RTKN2: variants seen among roughly 807,000 people sequenced by gnomAD.
The protein encoded by RTKN2 is rhotekin 2, also known as rhotekin-2.
Under a neutral mutation model 71.5 loss-of-function variants are expected in RTKN2, and 69 were observed. That is an observed-to-expected ratio of 0.96 (90% CI 0.79 to 1.18). The LOEUF is 1.18. Ranked by LOEUF, RTKN2 falls within the 50% of genes most tolerant of loss-of-function variation. RTKN2 has a pLI of 0.00. For synonymous variants in RTKN2, 236 were observed against 236.5 expected (o/e 1.00, Z 0.02); for missense variants, 724 against 719.7 (o/e 1.01, Z -0.07).
chr10:62,235,049 A>G (rs1402090582), intron 6 of RTKN2, among the ~76,000 whole-genome samples: 1 of 152,100 alleles, frequency 6.6e-6, no homozygotes, highest in Non-Finnish European at 1.5e-5. Context: ...GTAAAAAAAG[A>G]CCACAAAGAT....
chr10:62,258,458 A>C (rs1422677955), intron 2 of RTKN2, among the ~76,000 whole-genome samples: 1 of 152,168 alleles, frequency 6.6e-6, no homozygotes, highest in African/African-American at 2.4e-5. Context: ...TGATTTCCTC[A>C]TTTCTCTAAT....
At chr10:62,211,195 A>C (rs1841651996) in intron 9 of RTKN2, among the ~76,000 whole-genome samples, 1 of 152,190 alleles carries the variant, frequency 6.6e-6, no homozygotes, top group South Asian at 2.1e-4. Flanking sequence ...AAATTCAGTT[A>C]AGTACCTGTT....
intron 1 of RTKN2, among the ~76,000 whole-genome samples, chr10:62,263,301 G>T (rs962509794): frequency 9.9e-5 from 15 of 152,130 alleles, no homozygotes; most frequent in African/African-American, 3.6e-4. Flanking sequence ...AGACTAATAT[G>T]TCTATAAGCC....
Position 62,194,834 on chromosome 10 carries a change from T to G in RTKN2, c.*3074A>C. ...ATAGTAGCAGGTAAAATGCATTTAG[T>G]AAGATCCCAAAGGGTAAAGATAAGG... On this transcript the variant is annotated 3_prime_UTR_variant, in exon 12 of 12. Coordinates refer to ENST00000373789, the MANE Select transcript of RTKN2 (RefSeq NM_145307.4). 1.0e-6 allele frequency: 1 copy of G among 985,266 alleles called. No individual in the cohort carries two copies. The highest frequency in any genetic ancestry group is 1.2e-6 in the Non-Finnish European group (1 of 829,758). The allele number at this position is 985,266 out of a possible 1,614,324, so 61.0% of individuals were successfully genotyped here.
At chr10:62,248,989 C>T (rs1299360882) in intron 2 of RTKN2, among the ~76,000 whole-genome samples, 1 of 152,060 alleles carries the variant, frequency 6.6e-6, no homozygotes, top group Admixed American at 6.6e-5. Flanking sequence ...AACACTCAAA[C>T]GTTTAGCATG....
At chr10:62,247,806 T>C (rs1208820521) in intron 2 of RTKN2, among the ~76,000 whole-genome samples, 1 of 152,076 alleles carries the variant, frequency 6.6e-6, no homozygotes, top group Non-Finnish European at 1.5e-5. Context: ...TTGGTTGGCA[T>C]TTGAAAGTAA....
chr10:62,208,860 T>C (rs1047880342), intron 9 of RTKN2, among the ~76,000 whole-genome samples: 1 of 152,178 alleles, frequency 6.6e-6, no homozygotes, highest in Non-Finnish European at 1.5e-5. Flanking sequence ...TCAGTGGTTG[T>C]TAAGATGAGT....
intron 9 of RTKN2, among the ~76,000 whole-genome samples, chr10:62,209,645 G>A (rs1841619305): frequency 6.6e-6 from 1 of 152,068 alleles, no homozygotes; most frequent in African/African-American, 2.4e-5. Flanking sequence ...GCCTCAGAGT[G>A]TGTTGTTACC....
At chr10:62,210,998 TACTAC>T (rs935866886) in intron 9 of RTKN2, among the ~76,000 whole-genome samples, 14 of 152,272 alleles carry the variant, frequency 9.2e-5, no homozygotes, top group Admixed American at 9.2e-4. Flanking sequence ...ATCCAAAGTC[TACTAC>T]ACTAAATAGT....
intron 8 of RTKN2, among the ~76,000 whole-genome samples, chr10:62,186,260 G>GCTAATGTT (rs1225283507): frequency 2.0e-5 from 3 of 152,122 alleles, no homozygotes; most frequent in African/African-American, 7.2e-5. Flanking sequence ...TTACAATTCA[G>GCTAATGTT]CTAATGTTTC....
Position 62,198,297 on chromosome 10 carries a change from C to A in RTKN2, c.1441G>T (p.Val481Phe), listed in dbSNP as rs1332731791. ...GGATACAGTACCTTTTTCTGGATGA[C>A]CATTTGATGGTTACCATCAAAGAGT... ...ATLFDGNHQM[V>F]IQKKVLYPAS... Residue 481 changes from valine to phenylalanine, a missense_variant, in exon 12 of 12, where the codon GTC becomes TTC. Transcript: ENST00000373789. The A allele has an allele frequency of 6.2e-7, 1 of 1,613,830 alleles. No homozygotes were observed.
intron 7 of RTKN2, 25 bp from the exon 8 acceptor site, chr10:62,218,326 A>C: frequency 7.0e-7 from 1 of 1,420,048 alleles, no homozygotes; most frequent in South Asian, 1.2e-5. Context: ...AAGAAAAAAA[A>C]AAATCAAGTT....
At chr10:62,219,675 G>A (rs893288106) in intron 7 of RTKN2, among the ~76,000 whole-genome samples, 1 of 152,056 alleles carries the variant, frequency 6.6e-6, no homozygotes, top group Non-Finnish European at 1.5e-5. Flanking sequence ...TAAGCTGAGT[G>A]TGGTGGTGTC....
In RTKN2 at chr10:62,239,480, A is replaced by G. The variant is rs1395851078; in HGVS notation, c.488+168T>C. On this transcript the variant is annotated intron_variant, in intron 5 of 11. Coordinates refer to ENST00000373789, the MANE Select transcript of RTKN2 (RefSeq NM_145307.4). ...TCACATCAGAAAACTGCAGATAGAG[A>G]AATGGACTTCTTCTGAACAAAATGA... The G allele has an allele frequency of 1.4e-5, 6 of 431,118 alleles. No individual in the cohort carries two copies. The Admixed American group carries it at 2.1e-4, about 15-fold the overall frequency. The allele number at this position is 431,118 out of a possible 1,614,324, so 26.7% of individuals were successfully genotyped here.
chr10:62,223,395 T>C (rs992844177), intron 6 of RTKN2, 63 bp from the exon 7 acceptor site: 12 of 965,598 alleles, frequency 1.2e-5, no homozygotes, highest in Non-Finnish European at 1.7e-5. Flanking sequence ...CACAAAATAT[T>C]TGTATGTTCA....
At chr10:62,199,646 T>C (rs1449237916) in intron 11 of RTKN2, 108 bp downstream of exon 11, 2 of 596,042 alleles carry the variant, frequency 3.4e-6, no homozygotes, top group South Asian at 2.6e-5. Flanking sequence ...TTTATTTTGA[T>C]TGTGCCCTGA....
chr10:62,184,189 G>A lies in RTKN2; in HGVS notation c.*133C>T, dbSNP rs192234762. 3.9e-4 allele frequency: 232 copies of A among 597,526 alleles called. 1 individual carries two copies. In the African/African-American group the frequency reaches 4.2e-3, roughly 11 times the overall value. 37.0% of individuals were successfully genotyped at this position (597,526 alleles called of 1,614,324 possible). ...TTCTAAGGTCACTATTATGTGTCAG[G>A]TGCCGTACTGGGTGCTAGGAATACA... On this transcript the variant is annotated 3_prime_UTR_variant, in exon 9 of 9. Transcript: ENST00000315289.
chr10:62,204,964 AC>A lies in RTKN2; in HGVS notation c.1078del (p.Val360SerfsTer10), dbSNP rs745413393. 1 of 1,600,850 alleles carries A rather than the reference AC, an allele frequency of 6.2e-7. No individual in the cohort carries two copies. Among genetic ancestry groups the A allele is most frequent in the East Asian group, 2.3e-5 (1 of 44,040 alleles). On this transcript the variant is annotated frameshift_variant, in exon 10 of 12. Coordinates refer to ENST00000373789, the MANE Select transcript of RTKN2 (RefSeq NM_145307.4). LOFTEE classifies it high-confidence loss of function. Reference protein sequence around the residue: ...DAKKRIHNFSVINPVPGQAIT... With the variant: ...DAKKRIHNFSXINPVPGQAIT... ...AGCTTGTCCAGGAACAGGATTGATG[AC>A]AGAGAAATTATGGATTCTTTTCTTG...
In RTKN2 at chr10:62,198,384, CT is replaced by C; in HGVS notation, c.1353del (p.Glu452ArgfsTer65). ...SLTDIIQKKI[E>X]ETNGQFLIGQ... The stretch of plus-strand genomic sequence containing the variant: ...CCAATAAGGAACTGCCCATTTGTCT[CT>C]TCAATTTTTTTTTGTATTATATCCG... On this transcript the variant is annotated frameshift_variant, in exon 12 of 12. Coordinates refer to ENST00000373789, the MANE Select transcript of RTKN2 (RefSeq NM_145307.4). LOFTEE classifies it high-confidence loss of function. 1.9e-6 allele frequency: 3 copies of C among 1,594,830 alleles called. No individual in the cohort carries two copies. The highest frequency in any genetic ancestry group is 2.6e-6 in the Non-Finnish European group (3 of 1,174,278).
Sources: allele counts gnomAD v4.1 joint callset (sites outside exome capture counted in the v4.1 genomes callset), GRCh38; gene constraint gnomAD v4.1.1; transcripts MANE v1.5; gene names NCBI Gene and HGNC (gene_info 2026-07-23, HGNC 2026-07-21).